CNTN4: variants seen among roughly 807,000 people sequenced by gnomAD.
The protein encoded by CNTN4 is contactin 4, also known as contactin-4.
CNTN4 carries 77 observed loss-of-function variants against 122.5 expected under a neutral mutation model. The observed-to-expected ratio is 0.63, with a 90% CI of 0.52 to 0.76. The LOEUF (loss-of-function observed/expected upper bound fraction) is 0.76. Among genes scored for constraint, CNTN4 ranks in the 30% least tolerant of loss-of-function variants. The pLI is 0.00. For missense variants in CNTN4, 1,256 were observed against 1,259.1 expected, an observed-to-expected ratio of 1.00 and a Z score of 0.04; for synonymous variants, 512 against 447.0, an observed-to-expected ratio of 1.15 and a Z score of -1.83.
intron 6 of CNTN4, among the ~76,000 whole-genome samples, chr3:2,815,547 C>T (rs369946276): frequency 3.3e-5 from 5 of 152,070 alleles, no homozygotes; most frequent in African/African-American, 9.7e-5. Flanking sequence ...TGTGATACCG[C>T]CTTACACCTG....
intron 3 of CNTN4, among the ~76,000 whole-genome samples, chr3:2,556,250 G>T (rs1017489087): frequency 2.2e-4 from 34 of 152,140 alleles, no homozygotes; most frequent in Admixed American, 2.1e-3. Context: ...CATTTTCCTT[G>T]ACAACAGCAA....
At chr3:2,960,346 C>T (rs1874950) in intron 13 of CNTN4, among the ~76,000 whole-genome samples, 28,333 of 151,980 alleles carry the variant, frequency 0.19, 2,969 homozygotes, top group East Asian at 0.4. Flanking sequence ...CTATAGGTAC[C>T]GCACGGGCAA....
intron 2 of CNTN4, among the ~76,000 whole-genome samples, chr3:2,312,929 C>T (rs982327027): frequency 6.6e-6 from 1 of 151,540 alleles, no homozygotes; most frequent in Non-Finnish European, 1.5e-5. Flanking sequence ...AAGAACATAA[C>T]AAAAATAAAA....
intron 3 of CNTN4, among the ~76,000 whole-genome samples, chr3:2,367,594 A>C (rs13070893): frequency 6.6e-6 from 1 of 151,896 alleles, no homozygotes; most frequent in African/African-American, 2.4e-5. Context: ...GCACAATCTC[A>C]GCTCACTGCA....
chr3:2,328,518 T>C (rs529542371), intron 2 of CNTN4, among the ~76,000 whole-genome samples: 9 of 152,232 alleles, frequency 5.9e-5, no homozygotes, highest in Non-Finnish European at 1.0e-4. Flanking sequence ...ATTTCTCTTA[T>C]TAATCTATCT....
At chr3:2,342,505 C>G (rs1054761421) in intron 3 of CNTN4, among the ~76,000 whole-genome samples, 1 of 152,148 alleles carries the variant, frequency 6.6e-6, no homozygotes, top group African/African-American at 2.4e-5. Flanking sequence ...TGTCCCCACC[C>G]AAATCTCATC....
chr3:2,953,241 C>A (rs1577385442), intron 13 of CNTN4, among the ~76,000 whole-genome samples: 1 of 152,264 alleles, frequency 6.6e-6, no homozygotes, highest in Non-Finnish European at 1.5e-5. Context: ...CTACCAAGCT[C>A]CCCTAACTGG....
intron 3 of CNTN4, among the ~76,000 whole-genome samples, chr3:2,458,074 G>C (rs2049066625): frequency 6.6e-6 from 1 of 152,084 alleles, no homozygotes; most frequent in Non-Finnish European, 1.5e-5. Flanking sequence ...GTGATAGGGA[G>C]CCATTCTCTA....
intron 3 of CNTN4, among the ~76,000 whole-genome samples, chr3:2,388,160 C>T (rs533748822): frequency 6.6e-6 from 1 of 152,294 alleles, no homozygotes; most frequent in African/African-American, 2.4e-5. Flanking sequence ...GGGGAAGTTT[C>T]ATGCTGAAAG....
At chr3:2,331,893 G>C (rs1176018037) in intron 2 of CNTN4, among the ~76,000 whole-genome samples, 2 of 152,200 alleles carry the variant, frequency 1.3e-5, no homozygotes, top group African/African-American at 4.8e-5. Context: ...CTGCCGCTGG[G>C]CTGCGGAGTT....
At chr3:2,382,855 C>T (rs1049093048) in intron 3 of CNTN4, among the ~76,000 whole-genome samples, 1 of 152,022 alleles carries the variant, frequency 6.6e-6, no homozygotes, top group Admixed American at 6.6e-5. Flanking sequence ...GGGCGGATCA[C>T]CTGAGGTCAG....
intron 2 of CNTN4, among the ~76,000 whole-genome samples, chr3:2,152,709 G>A (rs1291206193): frequency 2.0e-5 from 3 of 152,170 alleles, no homozygotes; most frequent in Non-Finnish European, 4.4e-5. Context: ...GACACCCACC[G>A]TTCCCAGGGC....
At chr3:2,928,786 A>T (rs1490479117) in intron 13 of CNTN4, among the ~76,000 whole-genome samples, 2 of 152,222 alleles carry the variant, frequency 1.3e-5, no homozygotes, top group Admixed American at 1.3e-4. Context: ...ATTTTAATTA[A>T]TCAACTGCCT....
chr3:2,908,975 G>T (rs909425299), intron 12 of CNTN4, among the ~76,000 whole-genome samples: 73 of 152,204 alleles, frequency 4.8e-4, no homozygotes, highest in African/African-American at 1.6e-3. Context: ...CAATTAAAGT[G>T]AGGTGCAACC....
chr3:2,696,149 C>A (rs1358100885), intron 4 of CNTN4, among the ~76,000 whole-genome samples: 1 of 152,182 alleles, frequency 6.6e-6, no homozygotes, highest in Non-Finnish European at 1.5e-5. Context: ...CGGCCAAGGA[C>A]TTTATTCAGC....
intron 3 of CNTN4, among the ~76,000 whole-genome samples, chr3:2,557,684 C>G (rs1419016713): frequency 1.3e-5 from 2 of 151,456 alleles, no homozygotes; most frequent in Non-Finnish European, 2.9e-5. Context: ...AGCTGAGATT[C>G]CACCACTGCA....
At chr3:2,773,498 A>C (rs1007900645) in intron 6 of CNTN4, among the ~76,000 whole-genome samples, 1 of 152,176 alleles carries the variant, frequency 6.6e-6, no homozygotes, top group African/African-American at 2.4e-5. Flanking sequence ...TGATTGCAGC[A>C]TGGAGAACAC....
chr3:2,138,379 T>G (rs1289522407), intron 2 of CNTN4, among the ~76,000 whole-genome samples: 1 of 151,540 alleles, frequency 6.6e-6, no homozygotes, highest in Non-Finnish European at 1.5e-5. Flanking sequence ...CAGTATGTCT[T>G]CTTATAGTGG....
intron 4 of CNTN4, among the ~76,000 whole-genome samples, chr3:2,672,149 A>G (rs1023206087): frequency 3.9e-5 from 6 of 152,212 alleles, no homozygotes; most frequent in African/African-American, 1.4e-4. Context: ...GCTGTCAGAC[A>G]GGGACATTTA....
Sources: gnomAD v4.1 joint callset for allele counts (sites outside exome capture counted in the v4.1 genomes callset) on GRCh38, gnomAD v4.1.1 for gene constraint, MANE v1.5 for transcripts, NCBI Gene and HGNC (gene_info 2026-07-23, HGNC 2026-07-21) for gene names.